The following CAMK2B variants were observed in gnomAD, a reference collection of about 807,000 sequenced individuals.
CAMK2B encodes the protein calcium/calmodulin-dependent protein kinase type II subunit beta.
Under a neutral mutation model 93.7 loss-of-function variants are expected in CAMK2B, and 27 were observed. The observed-to-expected ratio is 0.29, with a 90% CI of 0.21 to 0.40. CAMK2B has a LOEUF of 0.40. CAMK2B is among the 10% of genes least tolerant of loss of function. CAMK2B has a pLI of 1.00. For synonymous variants in CAMK2B, 374 were observed against 358.8 expected (o/e 1.04, Z -0.48); for missense variants, 568 against 895.8 (o/e 0.63, Z 4.67).
At chr7:44,274,512 C>G (rs1016314468) in intron 2 of CAMK2B, among the ~76,000 whole-genome samples, 3 of 152,238 alleles carry the variant, frequency 2.0e-5, no homozygotes, top group African/African-American at 7.2e-5. Context: ...CGGGCTTCCC[C>G]GCTCCTGCCC....
rs200966155 is a variant in CAMK2B at position 44,242,165 on chromosome 7, G to T, written c.819+53C>A. ...GGTCCTTGCCAGGGGAGTGGTCTGA[G>T]GCCATCTCCACCAGGAGCCCCCTCC... On this transcript the variant is annotated intron_variant, in intron 10 of 23. Coordinates refer to ENST00000395749, the MANE Select transcript of CAMK2B (RefSeq NM_001220.5). 1,117 of 1,582,604 alleles carry T rather than the reference G, an allele frequency of 7.1e-4. 2 individuals carry two copies. Among genetic ancestry groups the T allele is most frequent in the Non-Finnish European group, 9.1e-4 (1,055 of 1,162,092 alleles).
chr7:44,290,684 G>A (rs896835174), intron 1 of CAMK2B, among the ~76,000 whole-genome samples: 3 of 152,214 alleles, frequency 2.0e-5, no homozygotes, highest in African/African-American at 7.2e-5. Context: ...TGATTAAAAT[G>A]AGCTCTTGGG....
intron 6 of CAMK2B, among the ~76,000 whole-genome samples, chr7:44,245,701 G>C (rs1463978702): frequency 1.3e-5 from 2 of 152,154 alleles, no homozygotes; most frequent in Admixed American, 6.5e-5. Flanking sequence ...AGGGAACAGG[G>C]GGTACGGTGG....
In CAMK2B at chr7:44,277,374, G is replaced by T. The variant is rs868636971; in HGVS notation, c.160+6757C>A. 3.3e-5 allele frequency among the ~76,000 whole-genome samples: 5 copies of T among 152,146 alleles called. No homozygotes were observed. In the South Asian group the frequency reaches 1.0e-3, roughly 32 times the overall value. On this transcript the variant is annotated intron_variant, in intron 2 of 23. Transcript: ENST00000395749. Reference sequence around the variant, plus strand: ...ATTAAGTATTAAATATTAAAAAATCGAACTGTTACAGCTTTGGCACCAGCT... The same window carrying T: ...ATTAAGTATTAAATATTAAAAAATCTAACTGTTACAGCTTTGGCACCAGCT...
At position 44,315,810 on chromosome 7, in the gene CAMK2B, T is replaced by C. The variant is rs192532277; in HGVS notation, c.65+9547A>G. 2.8e-3 allele frequency among the ~76,000 whole-genome samples: 432 copies of C among 152,352 alleles called. 1 individual carries two copies. The highest frequency in any genetic ancestry group is 4.6e-3 in the Non-Finnish European group (315 of 68,018). ...TTATTAAATTTAGTATTAAGTGTTTTATTTTTTAGATGCTATTGTAAATTG... is the reference window on the plus strand; with the variant it reads ...TTATTAAATTTAGTATTAAGTGTTTCATTTTTTAGATGCTATTGTAAATTG... On this transcript the variant is annotated intron_variant, in intron 1 of 23. Coordinates refer to ENST00000395749, the MANE Select transcript of CAMK2B (RefSeq NM_001220.5).
chr7:44,308,367 G>C (rs1158365676), intron 1 of CAMK2B, among the ~76,000 whole-genome samples: 1 of 152,154 alleles, frequency 6.6e-6, no homozygotes, highest in East Asian at 1.9e-4. Flanking sequence ...TGGGGGAAGA[G>C]AGACAGGGCC....
Position 44,220,272 on chromosome 7 carries a change from C to A in CAMK2B, c.1791G>T (p.Pro597=). ...FENLLAKNSK[P]IHTTILNPHV... ...GTGGGTTCAGGATGGTCGTGTGGAT[C>A]GGCTTGCTGTTCTTGGCCAGCACTG... Residue 597 remains proline (P), a synonymous_variant, in exon 23 of 24, where the codon CCG becomes CCT. Coordinates refer to ENST00000395749, the MANE Select transcript of CAMK2B (RefSeq NM_001220.5). The A allele has an allele frequency of 6.2e-7, 1 of 1,612,812 alleles. No homozygotes were observed. The highest frequency in any genetic ancestry group is 8.5e-7 in the Non-Finnish European group (1 of 1,179,802).
At chr7:44,257,459 C>T (rs1047813277) in intron 4 of CAMK2B, among the ~76,000 whole-genome samples, 4 of 152,350 alleles carry the variant, frequency 2.6e-5, no homozygotes, top group South Asian at 2.1e-4. Context: ...TTCTCCTCCT[C>T]GGCTCCTGTA....
In CAMK2B at chr7:44,225,706, C is replaced by T. The variant is rs538983509; in HGVS notation, c.1597+810G>A. ...CTGGCCGCCTGCAGCAGCCCCCAGGCCCAGCCTGCAGAGGGGACGGTGGCA... is the reference window on the plus strand; with the variant it reads ...CTGGCCGCCTGCAGCAGCCCCCAGGTCCAGCCTGCAGAGGGGACGGTGGCA... On this transcript the variant is annotated intron_variant, in intron 20 of 23. Transcript: ENST00000395749. The surrounding 1 kb of genome is among the most constrained non-coding windows in gnomAD (Gnocchi z 5.0). 3.0e-5 allele frequency: 39 copies of T among 1,286,404 alleles called. No homozygotes were observed. Among genetic ancestry groups the T allele is most frequent in the Non-Finnish European group, 3.7e-5 (36 of 986,248 alleles). The allele number at this position is 1,286,404 out of a possible 1,614,324, so 79.7% of individuals were successfully genotyped here.
chr7:44,230,555 G>A (rs930633451), intron 17 of CAMK2B, among the ~76,000 whole-genome samples: 4 of 152,190 alleles, frequency 2.6e-5, no homozygotes, highest in Non-Finnish European at 4.4e-5. Flanking sequence ...GAAACCCACC[G>A]CAGCAGGACA....
intron 2 of CAMK2B, among the ~76,000 whole-genome samples, chr7:44,272,982 AC>A (rs2096988725): frequency 6.6e-6 from 1 of 152,236 alleles, no homozygotes; most frequent in South Asian, 2.1e-4. Context: ...GTTAAAGCCA[AC>A]AACATTACGT....
intron 2 of CAMK2B, among the ~76,000 whole-genome samples, chr7:44,275,493 A>C (rs1213138862): frequency 6.6e-6 from 1 of 152,248 alleles, no homozygotes; most frequent in African/African-American, 2.4e-5. Flanking sequence ...GTAATGACAA[A>C]GTCCTGTCTC....
chr7:44,325,434 C>A lies in CAMK2B; in HGVS notation c.-13G>T. 1 of 1,121,176 alleles carries A rather than the reference C, an allele frequency of 8.9e-7. No homozygotes were observed. Among genetic ancestry groups the A allele is most frequent in the Non-Finnish European group, 1.1e-6 (1 of 901,268 alleles). 69.5% of individuals were successfully genotyped at this position (1,121,176 alleles called of 1,614,324 possible). On this transcript the variant is annotated 5_prime_UTR_variant, in exon 1 of 24. Transcript: ENST00000395749. ...CCGTGGTGGCCATGGCGGCGGCGGA[C>A]GGGCTCGGCGTGCGCTCGGCTGCGC... is the stretch of plus-strand genomic sequence containing the variant.
intron 1 of CAMK2B, among the ~76,000 whole-genome samples, chr7:44,306,075 AGAACCTGACAGGCCAGAAACCACCTAGGG>A (rs991504500): frequency 1.3e-5 from 2 of 152,098 alleles, no homozygotes; most frequent in African/African-American, 4.8e-5. Context: ...AGGAGGGAGG[AGAACCTGACAGGCCAGAAACCACCTAGGG>A]GCTGAAATTA....
chr7:44,301,606 G>A (rs2129178995), intron 1 of CAMK2B, among the ~76,000 whole-genome samples: 2 of 152,146 alleles, frequency 1.3e-5, no homozygotes, highest in South Asian at 4.2e-4. Context: ...GTGAAACCCT[G>A]TCTCTACCAA....
intron 1 of CAMK2B, among the ~76,000 whole-genome samples, chr7:44,294,697 C>T (rs1449670548): frequency 2.6e-5 from 4 of 152,230 alleles, no homozygotes; most frequent in African/African-American, 4.8e-5. Context: ...GGCCAGCACC[C>T]TTCACCACTT....
Position 44,311,618 on chromosome 7 carries a change from C to T in CAMK2B, c.65+13739G>A, listed in dbSNP as rs1021467673. ...CTCAGGGCTCTCCCAGCCCCAGCCC[C>T]GGGTACCCAGAGGGGCTGTCCTGCC... On this transcript the variant is annotated intron_variant, in intron 1 of 23. Transcript: ENST00000395749. This position sits in a 1 kb window ranked among gnomAD's most constrained non-coding sequence, Gnocchi z 4.2. 6.6e-6 allele frequency among the ~76,000 whole-genome samples: 1 copy of T among 152,194 alleles called. No homozygotes were observed. Among genetic ancestry groups the T allele is most frequent in the African/African-American group, 2.4e-5 (1 of 41,452 alleles).
At chr7:44,255,671 A>G (rs2096827797) in intron 4 of CAMK2B, among the ~76,000 whole-genome samples, 1 of 152,116 alleles carries the variant, frequency 6.6e-6, no homozygotes, top group Non-Finnish European at 1.5e-5. Context: ...TCTGGAATGT[A>G]GGGCTTAGGT....
intron 4 of CAMK2B, among the ~76,000 whole-genome samples, chr7:44,255,063 C>T (rs1335619499): frequency 6.6e-6 from 1 of 152,050 alleles, no homozygotes; most frequent in South Asian, 2.1e-4. Context: ...TTCCCCTCCT[C>T]AATACTCTCC....
Sources: gnomAD v4.1 joint callset for allele counts (sites outside exome capture counted in the v4.1 genomes callset) on GRCh38, gnomAD v4.1.1 for gene constraint, Gnocchi (gnomAD v3.1) non-coding constraint, MANE v1.5 for transcripts, NCBI Gene and HGNC (gene_info 2026-07-23, HGNC 2026-07-21) for gene names.